Variants in POLH observed in about 807,000 individuals in gnomAD.
The protein encoded by POLH is DNA polymerase eta transcript.
In POLH, 53 loss-of-function variants were observed where a neutral mutation model predicts 73.6. The observed-to-expected ratio is 0.72, with a 90% CI of 0.58 to 0.91. The LOEUF is 0.91. Among genes scored for constraint, POLH ranks in the 40% least tolerant of loss-of-function variants. The pLI, the probability that POLH is intolerant of heterozygous loss-of-function variation, is 0.00. For synonymous variants in POLH, 292 were observed against 308.5 expected (o/e 0.95, Z 0.56); for missense variants, 768 against 865.4 (o/e 0.89, Z 1.41).
intron 3 of POLH, among the ~76,000 whole-genome samples, chr6:43,585,935 C>T (rs1454080130): frequency 2.0e-5 from 3 of 151,316 alleles, no homozygotes; most frequent in South Asian, 2.1e-4. Context: ...TGAACTGCTG[C>T]GCCCGATCTT....
chr6:43,594,879 C>T (rs1765863524), intron 4 of POLH, among the ~76,000 whole-genome samples: 1 of 140,950 alleles, frequency 7.1e-6, no homozygotes, highest in Non-Finnish European at 1.5e-5. Flanking sequence ...TTATGCTCTA[C>T]TTCTTATGGC....
chr6:43,617,139 G>A lies in POLH; in HGVS notation c.*2582G>A, dbSNP rs958209205. Among the ~76,000 whole-genome samples, 2 of 152,028 alleles carry A rather than the reference G, an allele frequency of 1.3e-5. No homozygotes were observed. The highest frequency in any genetic ancestry group is 4.8e-5 in the African/African-American group (2 of 41,402). On this transcript the variant is annotated 3_prime_UTR_variant, in exon 11 of 11. Transcript: ENST00000372236. ...TGGGAGGCAGAGGTTGCAGTGAGCC[G>A]AGATTTCCACTGCATTCCAGCCTGG...
intron 10 of POLH, among the ~76,000 whole-genome samples, chr6:43,612,291 A>G (rs1373310666): frequency 6.6e-6 from 1 of 152,136 alleles, no homozygotes; most frequent in Non-Finnish European, 1.5e-5. Context: ...GGAAGCATCA[A>G]AATTATCTGA....
intron 6 of POLH, among the ~76,000 whole-genome samples, chr6:43,601,873 C>CA (rs1164992954): frequency 6.6e-6 from 1 of 152,086 alleles, no homozygotes; most frequent in African/African-American, 2.4e-5. Context: ...GCCTGGCCAA[C>CA]ATGGTGAAAC....
In POLH at chr6:43,592,604, A is replaced by G. The variant is rs113164565; in HGVS notation, c.491-5092A>G. ...TTTTTTTGTATTTTTTTTAGTAGAGACGGGGTTTCACCGTGTTAGCCAGCA... is the reference window on the plus strand; with the variant it reads ...TTTTTTTGTATTTTTTTTAGTAGAGGCGGGGTTTCACCGTGTTAGCCAGCA... On this transcript the variant is annotated intron_variant, in intron 4 of 10. Coordinates refer to ENST00000372236, the MANE Select transcript of POLH (RefSeq NM_006502.3). Among the ~76,000 whole-genome samples, 57 of 151,706 alleles carry G rather than the reference A, an allele frequency of 3.8e-4. 1 individual carries two copies. Among genetic ancestry groups the G allele is most frequent in the Middle Eastern group, 3.4e-3 (1 of 294 alleles).
chr6:43,597,981 T>C (rs896144065), intron 5 of POLH, 116 bp downstream of exon 5: 2 of 866,418 alleles, frequency 2.3e-6, no homozygotes, highest in African/African-American at 3.3e-5. Flanking sequence ...CGCACGCCTA[T>C]GTGAGTGGAT....
At chr6:43,601,423 G>A (rs1362417562) in intron 6 of POLH, among the ~76,000 whole-genome samples, 2 of 151,988 alleles carry the variant, frequency 1.3e-5, no homozygotes, top group East Asian at 1.9e-4. Context: ...CCACCACCAC[G>A]CCTGGCTAAT....
intron 9 of POLH, among the ~76,000 whole-genome samples, chr6:43,608,359 C>T (rs1767523549): frequency 1.3e-5 from 2 of 152,166 alleles, no homozygotes; most frequent in South Asian, 2.1e-4. Context: ...TAGTCCAAAA[C>T]TGCTCGTTGC....
At chr6:43,611,662 CAAAAT>C (rs999060608) in intron 10 of POLH, among the ~76,000 whole-genome samples, 76 of 152,058 alleles carry the variant, frequency 5.0e-4, no homozygotes, top group African/African-American at 1.8e-3. Flanking sequence ...GAATATTATA[CAAAAT>C]AAAATCAAAG....
chr6:43,606,420 TG>T (rs1488729043), intron 9 of POLH, among the ~76,000 whole-genome samples: 1 of 152,012 alleles, frequency 6.6e-6, no homozygotes, highest in African/African-American at 2.4e-5. Flanking sequence ...AGACATCTGA[TG>T]ATTAGTTTCT....
chr6:43,602,703 T>G (rs1395323950), intron 6 of POLH, among the ~76,000 whole-genome samples: 1 of 152,172 alleles, frequency 6.6e-6, no homozygotes, highest in Non-Finnish European at 1.5e-5. Flanking sequence ...AGTCTTGCTC[T>G]GTTGCCCAGG....
At chr6:43,585,155 A>G (rs1582275116) in intron 3 of POLH, among the ~76,000 whole-genome samples, 1 of 152,110 alleles carries the variant, frequency 6.6e-6, no homozygotes, top group East Asian at 1.9e-4. Context: ...GATCCTGTCA[A>G]AAAGAAGATG....
At chr6:43,584,878 C>T (rs1207820698) in intron 3 of POLH, among the ~76,000 whole-genome samples, 6 of 152,174 alleles carry the variant, frequency 3.9e-5, no homozygotes, top group East Asian at 1.9e-4. Context: ...TGGTGGCTCA[C>T]GCCTGTAATC....
chr6:43,614,206 G>C lies in POLH; in HGVS notation c.1791G>C (p.Leu597Phe). ...AAGCAACTCCTGCAGAGATGGATTT[G>C]GCCCACAACAGCCAAAGCATGCACG... ...SSKATPAEMD[L>F]AHNSQSMHAS... is the part of the protein sequence containing the mutation. The change falls in exon 11 of 11, where the codon TTG becomes TTC. Residue 597 changes from leucine to phenylalanine, a missense_variant. Physicochemically the swap from Leu to Phe is conservative, Grantham distance 22. Transcript: ENST00000372236. 1 of 1,612,790 alleles carries C rather than the reference G, an allele frequency of 6.2e-7. No homozygotes were observed. Among genetic ancestry groups the C allele is most frequent in the African/African-American group, 1.3e-5 (1 of 75,006 alleles).
chr6:43,589,394 C>T (rs1463270853), intron 4 of POLH, among the ~76,000 whole-genome samples: 4 of 152,130 alleles, frequency 2.6e-5, no homozygotes, highest in Admixed American at 6.6e-5. Context: ...CAACTGGTAT[C>T]ATCTAATGTT....
At chr6:43,588,842 C>CTT (rs1295537465) in intron 4 of POLH, 2 of 145,024 alleles carry the variant, frequency 1.4e-5, no homozygotes, top group Non-Finnish European at 3.0e-5. Context: ...CATTCTTTTT[C>CTT]TTTTTTTTTT....
At position 43,606,364 on chromosome 6, in the gene POLH, TA is replaced by T. The variant is rs532419432; in HGVS notation, c.1074+1055del. 1.9e-3 allele frequency among the ~76,000 whole-genome samples: 287 copies of T among 149,940 alleles called. 2 individuals carry two copies. The highest frequency in any genetic ancestry group is 6.2e-3 in the African/African-American group (256 of 40,984). On this transcript the variant is annotated intron_variant, in intron 9 of 10. Transcript: ENST00000372236. ...ATTCTCTATCTCTGTATATTTGACT[TA>T]AAAAAAAAATTCTGAGCATTGTACA...
Position 43,614,713 on chromosome 6 carries a change from T to TCTTC in POLH, c.*157_*160dup, listed in dbSNP as rs1582327383. On this transcript the variant is annotated 3_prime_UTR_variant, in exon 11 of 11. Transcript: ENST00000372236. The stretch of plus-strand genomic sequence containing the variant: ...TTAGGTGCTGAGTTACGGTCCCATC[T>TCTTC]CTTCACAGGCATGGATTCTAATCCC... 1.1e-5 allele frequency: 7 copies of TCTTC among 648,830 alleles called. No homozygotes were observed. The East Asian group carries it at 1.9e-4, about 18-fold the overall frequency. The allele number at this position is 648,830 out of a possible 1,614,324, so 40.2% of individuals were successfully genotyped here.
intron 4 of POLH, among the ~76,000 whole-genome samples, chr6:43,596,477 C>A (rs747700262): frequency 6.6e-6 from 1 of 150,772 alleles, no homozygotes; most frequent in Non-Finnish European, 1.5e-5. Flanking sequence ...AGTGAGACTT[C>A]GTCTCAAAAA....
Sources: gnomAD v4.1 joint callset for allele counts (sites outside exome capture counted in the v4.1 genomes callset) on GRCh38, gnomAD v4.1.1 for gene constraint, MANE v1.5 for transcripts, NCBI Gene and HGNC (gene_info 2026-07-23, HGNC 2026-07-21) for gene names.